MS4A6E: variants seen among roughly 807,000 people sequenced by gnomAD.
The protein encoded by MS4A6E is membrane spanning 4-domains A6E, also known as membrane-spanning 4-domains subfamily A member 6E.
MS4A6E carries 8 observed loss-of-function variants against 13.2 expected under a neutral mutation model. That is an observed-to-expected ratio of 0.60 (90% CI 0.35 to 1.09). The LOEUF is 1.09. MS4A6E is among the 50% of genes least tolerant of loss of function. The probability of loss-of-function intolerance (pLI) is 0.02; values close to 1 mark genes in which losing one functional copy is unlikely to be tolerated. For synonymous variants in MS4A6E, 72 were observed against 67.6 expected, an observed-to-expected ratio of 1.06 and a Z score of -0.32; for missense variants, 177 against 171.1, an observed-to-expected ratio of 1.03 and a Z score of -0.19.
intron 1 of MS4A6E, among the ~76,000 whole-genome samples, chr11:60,332,421 C>T (rs10897048): frequency 0.36 from 54,452 of 152,080 alleles, 10,275 homozygotes; most frequent in East Asian, 0.41. Context: ...ATAAGAAGGC[C>T]TTAACTCTTT....
downstream of MS4A6E, among the ~76,000 whole-genome samples, chr11:60,345,807 T>C (rs537494186): frequency 2.0e-5 from 3 of 152,322 alleles, no homozygotes; most frequent in South Asian, 6.2e-4. Flanking sequence ...GTAGGGCCAC[T>C]GTGGCAATGG....
At chr11:60,341,993 A>G (rs535429237), downstream of MS4A6E, among the ~76,000 whole-genome samples, 22 of 152,322 alleles carry the variant, frequency 1.4e-4, no homozygotes, top group South Asian at 4.4e-3. Context: ...TGGCTTCAAG[A>G]TATTTATAGT....
downstream of MS4A6E, among the ~76,000 whole-genome samples, chr11:60,342,196 AGAG>A (rs1157253909): frequency 2.4e-4 from 29 of 118,520 alleles, no homozygotes; most frequent in East Asian, 2.4e-3. Flanking sequence ...AGAGAGAGAG[AGAG>A]AGGGGGGGGG....
chr11:60,345,278 C>T (rs1185623044), downstream of MS4A6E, among the ~76,000 whole-genome samples: 1 of 152,172 alleles, frequency 6.6e-6, no homozygotes, highest in African/African-American at 2.4e-5. Flanking sequence ...AAGAAAGTGT[C>T]TTTCCTTCCA....
intron 1 of MS4A6E, among the ~76,000 whole-genome samples, chr11:60,334,081 T>C (rs2135057904): frequency 6.6e-6 from 1 of 152,286 alleles, no homozygotes; most frequent in African/African-American, 2.4e-5. Context: ...GCATTCTGGG[T>C]TTCCAGCGGG....
intron 1 of MS4A6E, among the ~76,000 whole-genome samples, chr11:60,329,887 A>G (rs11605441): frequency 0.34 from 50,312 of 146,234 alleles, 9,235 homozygotes; most frequent in East Asian, 0.41. Context: ...CTGCTGTGGC[A>G]CAATCTCAGC....
Position 60,335,721 on chromosome 11 carries a change from G to A in MS4A6E, c.147+679G>A, listed in dbSNP as rs374056418. The A allele has an allele frequency of 1.0e-5, 4 of 390,902 alleles. No individual in the cohort carries two copies. In the East Asian group the frequency reaches 3.0e-4, roughly 29 times the overall value. 24.2% of individuals were successfully genotyped at this position (390,902 alleles called of 1,614,324 possible). On this transcript the variant is annotated intron_variant, in intron 2 of 4. Transcript: ENST00000684409. ...TTCCTTGCCTCATGTACAATCATAT[G>A]GGTTTCTATGAGGCTCAGGTGACAA...
At chr11:60,339,835 C>T in intron 3 of MS4A6E, 31 bp from the exon 4 acceptor site, 1 of 1,595,442 alleles carries the variant, frequency 6.3e-7, no homozygotes, top group Non-Finnish European at 8.6e-7. Flanking sequence ...CTGACCCAAG[C>T]ATCACTGATA....
intron 1 of MS4A6E, 155 bp from the exon 2 acceptor site, chr11:60,334,727 A>G (rs1393607839): frequency 1.3e-6 from 1 of 746,028 alleles, no homozygotes; most frequent in African/African-American, 1.8e-5. Context: ...CATGATACCA[A>G]GGTTGTGTGG....
intron 1 of MS4A6E, among the ~76,000 whole-genome samples, chr11:60,334,524 T>TA: frequency 6.6e-6 from 1 of 152,308 alleles, no homozygotes; most frequent in South Asian, 2.1e-4. Context: ...TGCATTTGTC[T>TA]AAAAAATTCA....
At chr11:60,335,763 C>A (rs2085185111) in intron 2 of MS4A6E, 3 of 323,424 alleles carry the variant, frequency 9.3e-6, no homozygotes, top group Non-Finnish European at 1.8e-5. Flanking sequence ...TAGGAAACTT[C>A]TTGGTAAATG....
At chr11:60,344,280 C>T (rs142391104), downstream of MS4A6E, among the ~76,000 whole-genome samples, 154 of 152,262 alleles carry the variant, frequency 1.0e-3, no homozygotes, top group Non-Finnish European at 1.6e-3. Flanking sequence ...ATGCTTCTAA[C>T]CAGTTGGCGA....
chr11:60,334,779 A>G, intron 1 of MS4A6E, 103 bp from the exon 2 acceptor site: 14 of 1,252,044 alleles, frequency 1.1e-5, no homozygotes, highest in Non-Finnish European at 1.6e-5. Flanking sequence ...TCTAACACAC[A>G]GGCCAAGTCT....
intron 4 of MS4A6E, among the ~76,000 whole-genome samples, chr11:60,348,318 T>C (rs1302209644): frequency 2.6e-5 from 4 of 152,150 alleles, no homozygotes; most frequent in Admixed American, 2.6e-4. Context: ...GGTGATGCTG[T>C]TGACCTAGAA....
chr11:60,329,751 A>C (rs2135053564), intron 1 of MS4A6E, among the ~76,000 whole-genome samples: 1 of 151,350 alleles, frequency 6.6e-6, no homozygotes, highest in African/African-American at 2.4e-5. Context: ...AGTGATGATG[A>C]GCTTTTTTTC....
downstream of MS4A6E, among the ~76,000 whole-genome samples, chr11:60,344,265 T>C (rs2135067603): frequency 6.6e-6 from 1 of 152,328 alleles, no homozygotes; most frequent in South Asian, 2.1e-4. Context: ...CTGTATGGCA[T>C]GAAAATGCTT....
chr11:60,327,679 T>A (rs990969345), intron 1 of MS4A6E, among the ~76,000 whole-genome samples: 1 of 152,128 alleles, frequency 6.6e-6, no homozygotes, highest in Admixed American at 6.5e-5. Context: ...TCAATTAAAA[T>A]GTGGGCAGTG....
At chr11:60,328,803 C>G (rs763280272) in intron 1 of MS4A6E, among the ~76,000 whole-genome samples, 3 of 151,954 alleles carry the variant, frequency 2.0e-5, no homozygotes. Flanking sequence ...GGGAGAGCAG[C>G]AGGTCAAAAG....
chr11:60,346,910 C>T (rs971565698), intron 4 of MS4A6E, among the ~76,000 whole-genome samples: 27 of 152,182 alleles, frequency 1.8e-4, no homozygotes, highest in African/African-American at 5.8e-4. Flanking sequence ...TCCCTCCATG[C>T]GAGGTCAAAC....
Sources: allele counts gnomAD v4.1 joint callset (sites outside exome capture counted in the v4.1 genomes callset), GRCh38; gene constraint gnomAD v4.1.1; transcripts MANE v1.5; gene names NCBI Gene and HGNC (gene_info 2026-07-23, HGNC 2026-07-21).